Variants in M1AP observed in about 807,000 individuals in gnomAD.
M1AP encodes the protein meiosis 1 associated protein.
In M1AP, 39 loss-of-function variants were observed where a neutral mutation model predicts 51.2. The observed-to-expected ratio is 0.76, with a 90% CI of 0.59 to 1.00. The LOEUF (loss-of-function observed/expected upper bound fraction) is 1.00. Among genes scored for constraint, M1AP ranks in the 50% least tolerant of loss-of-function variants. M1AP has a pLI of 0.00. For synonymous variants in M1AP, 251 were observed against 249.2 expected (o/e 1.01, Z -0.07); for missense variants, 545 against 641.2 (o/e 0.85, Z 1.62).
intron 9 of M1AP, among the ~76,000 whole-genome samples, 188 bp downstream of exon 9, chr2:74,559,963 C>A (rs1475198691): frequency 6.6e-6 from 1 of 152,298 alleles, no homozygotes; most frequent in East Asian, 1.9e-4. Context: ...ATGTAAATGC[C>A]CTAGCAAACA....
chr2:74,628,990 C>A, intron 2 of M1AP: 1 of 233,694 alleles, frequency 4.3e-6, no homozygotes, highest in South Asian at 6.8e-5. Flanking sequence ...ACTTCCTTAT[C>A]TTGCACGGGA....
chr2:74,592,170 T>C (rs1285039685), intron 4 of M1AP, among the ~76,000 whole-genome samples: 1 of 152,136 alleles, frequency 6.6e-6, no homozygotes, highest in Non-Finnish European at 1.5e-5. Flanking sequence ...TCTGTGTATA[T>C]ACATGCATTT....
chr2:74,606,347 A>G (rs943139225), intron 4 of M1AP, among the ~76,000 whole-genome samples: 2 of 152,230 alleles, frequency 1.3e-5, no homozygotes, highest in Non-Finnish European at 2.9e-5. Context: ...CCAGCCCTGC[A>G]TATGAGTCTG....
At chr2:74,647,974 G>A (rs1683703721) in intron 1 of M1AP, 2 of 975,892 alleles carry the variant, frequency 2.0e-6, no homozygotes, top group Non-Finnish European at 1.2e-6. Context: ...GGCGCCTACC[G>A]TGCCTGGCGG....
At position 74,623,329 on chromosome 2, in the gene M1AP, C is replaced by G. The variant is rs1013192742; in HGVS notation, c.241-8180G>C. On this transcript the variant is annotated intron_variant, in intron 2 of 10. Transcript: ENST00000421985. The stretch of plus-strand genomic sequence containing the variant: ...GACCAGCCTGTGCAACATAGTGAAA[C>G]CCCGTCTCTAAAAAAAATATAAAAA... Among the ~76,000 whole-genome samples, 5 of 152,062 alleles carry G rather than the reference C, an allele frequency of 3.3e-5. No individual in the cohort carries two copies. The East Asian group carries it at 9.7e-4, about 29-fold the overall frequency.
intron 3 of M1AP, among the ~76,000 whole-genome samples, chr2:74,608,130 A>G (rs539191144): frequency 6.6e-6 from 1 of 152,296 alleles, no homozygotes; most frequent in South Asian, 2.1e-4. Flanking sequence ...CTCTTGGTGT[A>G]GTACATTCTA....
intron 1 of M1AP, among the ~76,000 whole-genome samples, chr2:74,646,596 G>T (rs1485767642): frequency 6.6e-6 from 1 of 152,158 alleles, no homozygotes; most frequent in Non-Finnish European, 1.5e-5. Flanking sequence ...CCCAAACTTA[G>T]AAAGAAGTAT....
At chr2:74,561,729 C>T (rs1178313060) in intron 8 of M1AP, among the ~76,000 whole-genome samples, 4 of 152,090 alleles carry the variant, frequency 2.6e-5, no homozygotes, top group African/African-American at 7.2e-5. Context: ...AACCAGTCTG[C>T]GCAAAGACAA....
intron 2 of M1AP, among the ~76,000 whole-genome samples, chr2:74,617,628 C>T (rs1681745518): frequency 6.6e-6 from 1 of 152,124 alleles, no homozygotes; most frequent in African/African-American, 2.4e-5. Flanking sequence ...ACCCCCATGA[C>T]ACAAGTTTAC....
rs1573117824 is a variant in M1AP, at chr2:74,597,640, A to G, written c.595+9415T>C. On this transcript the variant is annotated intron_variant, in intron 4 of 10. Coordinates refer to ENST00000421985, the MANE Select transcript of M1AP (RefSeq NM_001321739.2). ...CTGGCAAAGTCTAGGAGGAAATATTAAACAGATGGTTTGCGAGCACTTAGA... is the reference window on the plus strand; with the variant it reads ...CTGGCAAAGTCTAGGAGGAAATATTGAACAGATGGTTTGCGAGCACTTAGA... Among the ~76,000 whole-genome samples, 3 of 152,218 alleles carry G rather than the reference A, an allele frequency of 2.0e-5. No individual in the cohort carries two copies. In the East Asian group the frequency reaches 5.8e-4, roughly 29 times the overall value.
intron 4 of M1AP, among the ~76,000 whole-genome samples, chr2:74,584,939 C>T (rs1679621121): frequency 6.6e-6 from 1 of 151,554 alleles, no homozygotes; most frequent in Non-Finnish European, 1.5e-5. Flanking sequence ...ACCTCCTGGG[C>T]TCAAGTGACT....
At chr2:74,640,374 T>G (rs1683225237) in intron 1 of M1AP, 47 bp from the exon 2 acceptor site, 1 of 1,439,630 alleles carries the variant, frequency 6.9e-7, no homozygotes, top group African/African-American at 1.4e-5. Context: ...CTGAATTATG[T>G]GTGCTCTGTT....
chr2:74,590,659 T>G (rs1051287210), intron 4 of M1AP, among the ~76,000 whole-genome samples: 2 of 152,184 alleles, frequency 1.3e-5, no homozygotes, highest in African/African-American at 2.4e-5. Context: ...AAGTGGGGAC[T>G]GCCCTATGAG....
rs1009544027 is a variant in M1AP, at chr2:74,559,016, G to A, written c.1435-142C>T. On this transcript the variant is annotated intron_variant, in intron 10 of 10. Transcript: ENST00000421985. ...CCTCAAGGCCGAGGACAGTGATCTG[G>A]AGTCCCTTAAGCCCAGCCTCCACAG... is the stretch of plus-strand genomic sequence containing the variant. 11 of 801,658 alleles carry A rather than the reference G, an allele frequency of 1.4e-5. No homozygotes were observed. In the African/African-American group the frequency reaches 1.8e-4, roughly 13 times the overall value. 49.7% of individuals were successfully genotyped at this position (801,658 alleles called of 1,614,324 possible).
intron 2 of M1AP, among the ~76,000 whole-genome samples, chr2:74,622,743 G>A (rs1473669835): frequency 1.8e-4 from 28 of 151,784 alleles, no homozygotes; most frequent in Non-Finnish European, 8.8e-5. Context: ...AAATATATGA[G>A]TAAAATGAAA....
At position 74,640,292 on chromosome 2, in the gene M1AP, G is replaced by T. The variant is rs778821368; in HGVS notation, c.-17C>A. The stretch of plus-strand genomic sequence containing the variant: ...AGGATGCATGGCAGCAAAACCAGAG[G>T]GGGAACTGTAGCCACCAGCTGGATA... On this transcript the variant is annotated 5_prime_UTR_variant, in exon 2 of 11. Coordinates refer to ENST00000421985, the MANE Select transcript of M1AP (RefSeq NM_001321739.2). The T allele has an allele frequency of 1.2e-6, 2 of 1,613,642 alleles. No individual in the cohort carries two copies. Among genetic ancestry groups the T allele is most frequent in the Admixed American group, 3.3e-5 (2 of 59,976 alleles).
chr2:74,604,463 G>C (rs1290816378), intron 4 of M1AP, among the ~76,000 whole-genome samples: 2 of 152,178 alleles, frequency 1.3e-5, no homozygotes, highest in Non-Finnish European at 2.9e-5. Flanking sequence ...TCTCATATAA[G>C]GAGTGCACAA....
chr2:74,637,213 T>C (rs1191537417), intron 2 of M1AP, among the ~76,000 whole-genome samples: 1 of 152,228 alleles, frequency 6.6e-6, no homozygotes, highest in Non-Finnish European at 1.5e-5. Context: ...TTTTCTTTTG[T>C]AATGTCTAAT....
chr2:74,643,351 T>C (rs1323374798), intron 1 of M1AP, among the ~76,000 whole-genome samples: 2 of 152,064 alleles, frequency 1.3e-5, no homozygotes, highest in Admixed American at 1.3e-4. Flanking sequence ...AAACATAATA[T>C]TGAGTAAAAG....
Sources: gnomAD v4.1 joint callset for allele counts (sites outside exome capture counted in the v4.1 genomes callset) on GRCh38, gnomAD v4.1.1 for gene constraint, MANE v1.5 for transcripts, NCBI Gene and HGNC (gene_info 2026-07-23, HGNC 2026-07-21) for gene names.